Variants in ATG7 observed in about 807,000 individuals in gnomAD.
The protein encoded by ATG7 is autophagy related 7.
ATG7 carries 70 observed loss-of-function variants against 82.4 expected under a neutral mutation model. That is an observed-to-expected ratio of 0.85 (90% CI 0.70 to 1.04). ATG7 has a LOEUF of 1.04. ATG7 is among the 50% of genes least tolerant of loss of function. The pLI is 0.00. For synonymous variants in ATG7, 287 were observed against 313.0 expected (o/e 0.92, Z 0.88); for missense variants, 792 against 864.3 (o/e 0.92, Z 1.05).
intron 5 of ATG7, 100 bp downstream of exon 5, chr3:11,299,516 G>A: frequency 8.0e-7 from 1 of 1,244,842 alleles, no homozygotes; most frequent in Non-Finnish European, 1.2e-6. Flanking sequence ...GGAGGACTAG[G>A]GAAGTTCCCG....
intron 20 of ATG7, among the ~76,000 whole-genome samples, chr3:11,450,729 C>T (rs2085034812): frequency 6.6e-6 from 1 of 152,206 alleles, no homozygotes; most frequent in African/African-American, 2.4e-5. Flanking sequence ...TTCCAAGCTG[C>T]ACATGGGCCC....
chr3:11,392,290 C>T (rs1258724148), intron 19 of ATG7, among the ~76,000 whole-genome samples: 1 of 152,004 alleles, frequency 6.6e-6, no homozygotes, highest in Non-Finnish European at 1.5e-5. Context: ...CAGGGACATG[C>T]AGCTGCTAAG....
chr3:11,388,860 A>G (rs2078536657), intron 19 of ATG7, among the ~76,000 whole-genome samples: 1 of 152,184 alleles, frequency 6.6e-6, no homozygotes, highest in Non-Finnish European at 1.5e-5. Flanking sequence ...CAAGGGAGCC[A>G]TCAGCTGGAA....
intron 13 of ATG7, among the ~76,000 whole-genome samples, chr3:11,343,898 T>A (rs1013485696): frequency 6.6e-6 from 1 of 152,212 alleles, no homozygotes; most frequent in African/African-American, 2.4e-5. Context: ...ATAGATAAAT[T>A]AGAAGGGATT....
intron 20 of ATG7, among the ~76,000 whole-genome samples, chr3:11,533,947 C>T (rs932835772): frequency 2.6e-5 from 4 of 152,170 alleles, no homozygotes; most frequent in African/African-American, 7.2e-5. Flanking sequence ...AAACTTGGAG[C>T]GCATCTTGAG....
chr3:11,534,530 G>A (rs1244303868), intron 20 of ATG7, among the ~76,000 whole-genome samples: 1 of 152,364 alleles, frequency 6.6e-6, no homozygotes, highest in South Asian at 2.1e-4. Context: ...AACGCATCAG[G>A]GTTCTTCCTG....
intron 20 of ATG7, among the ~76,000 whole-genome samples, chr3:11,438,372 T>G (rs961380399): frequency 6.6e-6 from 1 of 152,090 alleles, no homozygotes; most frequent in African/African-American, 2.4e-5. Context: ...AGTAAAACAT[T>G]TAGGACTTGA....
chr3:11,560,688 A>AG (rs1197915522), downstream of ATG7, among the ~76,000 whole-genome samples: 1 of 152,140 alleles, frequency 6.6e-6, no homozygotes, highest in Non-Finnish European at 1.5e-5. Context: ...ATGCCAGGGT[A>AG]GGGGGGGATG....
chr3:11,411,427 C>G (rs1018075830), intron 19 of ATG7, among the ~76,000 whole-genome samples: 1 of 151,948 alleles, frequency 6.6e-6, no homozygotes, highest in South Asian at 2.1e-4. Context: ...AGATGGAGAC[C>G]ATCCTGGCCA....
intron 5 of ATG7, 110 bp downstream of exon 5, chr3:11,299,526 G>A (rs916304181): frequency 3.3e-5 from 37 of 1,112,320 alleles, no homozygotes; most frequent in African/African-American, 9.2e-5. Context: ...GGAAGTTCCC[G>A]GTGGGCAGAG....
chr3:11,327,919 G>A (rs961335084), intron 9 of ATG7, among the ~76,000 whole-genome samples: 6 of 152,226 alleles, frequency 3.9e-5, no homozygotes, highest in African/African-American at 1.4e-4. Flanking sequence ...AAGGCTGATG[G>A]ATGCATGCTG....
chr3:11,500,846 T>C (rs754349314), intron 20 of ATG7, among the ~76,000 whole-genome samples: 5 of 152,186 alleles, frequency 3.3e-5, no homozygotes, highest in Non-Finnish European at 7.3e-5. Context: ...GGCCAAGATG[T>C]TCTCGATCTC....
chr3:11,569,930 G>A, the ATG7 span, among the ~76,000 whole-genome samples: 1 of 152,176 alleles, frequency 6.6e-6, no homozygotes, highest in Non-Finnish European at 1.5e-5. Flanking sequence ...AGCTTCCTCA[G>A]AAAACAGACT....
chr3:11,348,126 C>A, intron 14 of ATG7, 91 bp downstream of exon 14: 1 of 1,470,208 alleles, frequency 6.8e-7, no homozygotes, highest in South Asian at 1.4e-5. Context: ...GAAAGAGAGT[C>A]AGATATCTGT....
chr3:11,306,417 A>G (rs1559361554), intron 5 of ATG7, among the ~76,000 whole-genome samples: 1 of 152,196 alleles, frequency 6.6e-6, no homozygotes, highest in African/African-American at 2.4e-5. Flanking sequence ...GAAAGTGGAG[A>G]TAGCTTTCCG....
intron 10 of ATG7, among the ~76,000 whole-genome samples, chr3:11,331,731 T>G (rs1951673012): frequency 6.6e-6 from 1 of 152,202 alleles, no homozygotes; most frequent in Non-Finnish European, 1.5e-5. Flanking sequence ...CTGTCTGGGT[T>G]TCTTTCAGAT....
chr3:11,438,827 G>A (rs555892233), intron 20 of ATG7, among the ~76,000 whole-genome samples: 2 of 152,130 alleles, frequency 1.3e-5, no homozygotes, highest in African/African-American at 4.8e-5. Context: ...GGCCTGTGGC[G>A]CTGCTGAGCC....
At chr3:11,380,849 A>G (rs182440815) in intron 19 of ATG7, among the ~76,000 whole-genome samples, 17 of 152,228 alleles carry the variant, frequency 1.1e-4, no homozygotes, top group Admixed American at 3.3e-4. Context: ...ATTTGGAACT[A>G]TTTTTCGTGT....
chr3:11,394,097 T>C (rs2152877933), intron 19 of ATG7, among the ~76,000 whole-genome samples: 1 of 152,354 alleles, frequency 6.6e-6, no homozygotes, highest in East Asian at 1.9e-4. Flanking sequence ...GGTCATAGAA[T>C]GAGTAAATTA....
Sources: allele counts gnomAD v4.1 joint callset (sites outside exome capture counted in the v4.1 genomes callset), GRCh38; gene constraint gnomAD v4.1.1; transcripts MANE v1.5; gene names NCBI Gene and HGNC (gene_info 2026-07-23, HGNC 2026-07-21).